DLGAP2: variants seen among roughly 807,000 people sequenced by gnomAD.
DLGAP2 encodes the protein DLG associated protein 2.
Under a neutral mutation model 100.3 loss-of-function variants are expected in DLGAP2, and 26 were observed. The observed-to-expected ratio is 0.26, with a 90% CI of 0.19 to 0.36. DLGAP2 has a LOEUF of 0.36. Among genes scored for constraint, DLGAP2 ranks in the 10% least tolerant of loss-of-function variants. The probability of loss-of-function intolerance (pLI) is 1.00; values close to 1 mark genes in which losing one functional copy is unlikely to be tolerated. For missense variants in DLGAP2, 1,858 were observed against 1,453.2 expected, an observed-to-expected ratio of 1.28 and a Z score of -4.53; for synonymous variants, 886 against 630.1, an observed-to-expected ratio of 1.41 and a Z score of -6.08.
At chr8:1,038,120 C>T (rs1802189081) in intron 2 of DLGAP2, among the ~76,000 whole-genome samples, 1 of 152,164 alleles carries the variant, frequency 6.6e-6, no homozygotes, top group Non-Finnish European at 1.5e-5. Context: ...TGTTCATATA[C>T]AAGTGTTCGT....
At chr8:1,141,147 T>A (rs1796515540) in intron 2 of DLGAP2, among the ~76,000 whole-genome samples, 1 of 152,072 alleles carries the variant, frequency 6.6e-6, no homozygotes, top group Admixed American at 6.5e-5. Flanking sequence ...AGCTTTCTCC[T>A]GGGGAGGGAC....
chr8:1,626,359 G>A lies in DLGAP2; in HGVS notation c.1443-381G>A, dbSNP rs537784834. On this transcript the variant is annotated intron_variant, in intron 6 of 14. Coordinates refer to ENST00000637795, the MANE Select transcript of DLGAP2 (RefSeq NM_001346810.2). ...CGGCTGTTCCCATCTCTACCCTGCA[G>A]CAGGTGCTCAGCCTCTGGGTGTGGG... 1.5e-3 allele frequency among the ~76,000 whole-genome samples: 181 copies of A among 118,368 alleles called. 3 individuals are homozygous for A. The highest frequency in any genetic ancestry group is 6.1e-3 in the African/African-American group (166 of 27,434). 77.7% of individuals were successfully genotyped at this position (118,368 alleles called of 152,430 possible).
intron 6 of DLGAP2, among the ~76,000 whole-genome samples, chr8:1,610,679 A>T (rs1437117754): frequency 1.5e-5 from 2 of 136,382 alleles, no homozygotes; most frequent in Non-Finnish European, 3.1e-5. Context: ...AGAATCAAAT[A>T]GACACAATAA....
rs77711467 is a variant in DLGAP2 at position 1,313,911 on chromosome 8, C to T, written c.106+55028C>T. Among the ~76,000 whole-genome samples the T allele has an allele frequency of 4.1e-3, 628 of 152,144 alleles. 4 individuals are homozygous for T. The highest frequency in any genetic ancestry group is 0.015 in the African/African-American group (607 of 41,496). On this transcript the variant is annotated intron_variant, in intron 3 of 14. Transcript: ENST00000637795. The stretch of plus-strand genomic sequence containing the variant: ...AATCCACCTGACCCCCAAGAACCAC[C>T]GCACGGTAGCTTTCCACACAAAATG...
intron 2 of DLGAP2, among the ~76,000 whole-genome samples, chr8:1,160,488 T>C (rs1038146125): frequency 5.3e-5 from 8 of 152,178 alleles, no homozygotes; most frequent in Non-Finnish European, 1.0e-4. Flanking sequence ...GAGTCTTTTG[T>C]GGTCATTTTT....
intron 6 of DLGAP2, among the ~76,000 whole-genome samples, chr8:1,575,087 A>T (rs1004016936): frequency 1.3e-5 from 2 of 152,202 alleles, no homozygotes; most frequent in African/African-American, 2.4e-5. Flanking sequence ...TATGAACAAT[A>T]CAAAAAATCA....
At chr8:939,055 C>G (rs1189164686) in intron 2 of DLGAP2, among the ~76,000 whole-genome samples, 6 of 152,048 alleles carry the variant, frequency 3.9e-5, no homozygotes, top group Non-Finnish European at 7.4e-5. Flanking sequence ...ACGGCCCCTG[C>G]CTGGGAGTGG....
intron 2 of DLGAP2, among the ~76,000 whole-genome samples, chr8:1,188,547 G>A (rs1314460524): frequency 1.2e-5 from 1 of 86,332 alleles, no homozygotes; most frequent in Non-Finnish European, 2.3e-5. Context: ...CGGAATCTCA[G>A]ACGCCCGGGA....
At chr8:1,462,680 C>T (rs1165448071) in intron 3 of DLGAP2, among the ~76,000 whole-genome samples, 1 of 152,130 alleles carries the variant, frequency 6.6e-6, no homozygotes, top group Non-Finnish European at 1.5e-5. Flanking sequence ...ACTCAGGCTG[C>T]CAGCGTGGGT....
chr8:1,311,015 A>C (rs963070923), intron 3 of DLGAP2, among the ~76,000 whole-genome samples: 12 of 152,188 alleles, frequency 7.9e-5, no homozygotes, highest in Non-Finnish European at 7.3e-5. Flanking sequence ...AAAAGATCAA[A>C]ATATTGGCAA....
chr8:1,682,158 C>G (rs985951874), intron 12 of DLGAP2, among the ~76,000 whole-genome samples: 1 of 152,218 alleles, frequency 6.6e-6, no homozygotes, highest in Non-Finnish European at 1.5e-5. Flanking sequence ...TCATTCTGGT[C>G]CTCCACGACT....
intron 2 of DLGAP2, among the ~76,000 whole-genome samples, chr8:1,067,316 T>A (rs1485996141): frequency 6.6e-6 from 1 of 152,196 alleles, no homozygotes; most frequent in African/African-American, 2.4e-5. Context: ...CTCCTAGCGC[T>A]TTTGCTTTGG....
In DLGAP2 at chr8:1,061,724, C is replaced by G. The variant is rs540317966; in HGVS notation, c.73+153758C>G. On this transcript the variant is annotated intron_variant, in intron 2 of 14. Transcript: ENST00000637795. ...TGCTACAGAATCAGCGAGCTCCACA[C>G]TGCTTCCCTTCCCTCTCCCTCCCCG... is the stretch of plus-strand genomic sequence containing the variant. Among the ~76,000 whole-genome samples, 4 of 152,038 alleles carry G rather than the reference C, an allele frequency of 2.6e-5. No homozygotes were observed. The East Asian group carries it at 7.8e-4, about 30-fold the overall frequency.
intron 4 of DLGAP2, among the ~76,000 whole-genome samples, chr8:1,542,492 T>C (rs973722850): frequency 1.3e-5 from 2 of 152,236 alleles, no homozygotes; most frequent in Non-Finnish European, 2.9e-5. Context: ...AAATTGTACA[T>C]TGGTGGTCTT....
rs751486721 is a variant in DLGAP2 at position 1,140,218 on chromosome 8, G to A, written c.74-118633G>A. Among the ~76,000 whole-genome samples, 134 of 152,230 alleles carry A rather than the reference G, an allele frequency of 8.8e-4. 1 individual carries two copies. The highest frequency in any genetic ancestry group is 1.2e-3 in the Non-Finnish European group (80 of 68,006). On this transcript the variant is annotated intron_variant, in intron 2 of 14. Coordinates refer to ENST00000637795, the MANE Select transcript of DLGAP2 (RefSeq NM_001346810.2). ...GTGACATGAAACTCCGGGCCTCAGC[G>A]CTCGTCCCGCTCTGCCGAGGGCATT...
At chr8:790,026 A>G (rs1168025548) in intron 1 of DLGAP2, among the ~76,000 whole-genome samples, 1 of 152,186 alleles carries the variant, frequency 6.6e-6, no homozygotes, top group Non-Finnish European at 1.5e-5. Flanking sequence ...CATGGGACGG[A>G]CGACGTCAGT....
intron 2 of DLGAP2, among the ~76,000 whole-genome samples, chr8:1,071,309 A>G (rs1803423750): frequency 6.6e-6 from 1 of 152,208 alleles, no homozygotes; most frequent in South Asian, 2.1e-4. Flanking sequence ...ACTTTCCACA[A>G]TGCCTGAAAT....
At chr8:1,236,123 T>TCTCA (rs1798646873) in intron 2 of DLGAP2, among the ~76,000 whole-genome samples, 1 of 96,994 alleles carries the variant, frequency 1.0e-5, no homozygotes. Context: ...TCTAGTTCTC[T>TCTCA]CACATGTTGC....
intron 1 of DLGAP2, among the ~76,000 whole-genome samples, chr8:836,252 G>A (rs1302047138): frequency 6.6e-6 from 1 of 152,204 alleles, no homozygotes. Flanking sequence ...CGCAAGGCTC[G>A]GGCGGGAGAT....
Sources: allele counts gnomAD v4.1 joint callset (sites outside exome capture counted in the v4.1 genomes callset), GRCh38; gene constraint gnomAD v4.1.1; transcripts MANE v1.5; gene names NCBI Gene and HGNC (gene_info 2026-07-23, HGNC 2026-07-21).